AMPH: variants seen among roughly 807,000 people sequenced by gnomAD.
The protein encoded by AMPH is amphiphysin, also known as amphiphysin (Stiff-Mann syndrome with breast cancer 128kD autoantigen).
In AMPH, 49 loss-of-function variants were observed where a neutral mutation model predicts 99.1. The observed-to-expected ratio is 0.49, with a 90% CI of 0.39 to 0.63. AMPH has a LOEUF of 0.63. Among genes scored for constraint, AMPH ranks in the 20% least tolerant of loss-of-function variants. The pLI is 0.00. For synonymous variants in AMPH, 314 were observed against 317.3 expected, an observed-to-expected ratio of 0.99 and a Z score of 0.11; for missense variants, 759 against 863.4, an observed-to-expected ratio of 0.88 and a Z score of 1.52.
intron 11 of AMPH, among the ~76,000 whole-genome samples, chr7:38,448,584 C>G (rs1786881427): frequency 6.6e-6 from 1 of 152,148 alleles, no homozygotes; most frequent in African/African-American, 2.4e-5. Flanking sequence ...TGAATATAGT[C>G]TCTCGCTCGC....
chr7:38,615,098 G>GAAAA (rs974274489), intron 1 of AMPH, among the ~76,000 whole-genome samples: 2 of 152,140 alleles, frequency 1.3e-5, no homozygotes. Context: ...CAGAACTGAT[G>GAAAA]AAAAGAACAT....
At chr7:38,386,632 AT>A (rs1369325657) in intron 20 of AMPH, among the ~76,000 whole-genome samples, 1 of 152,236 alleles carries the variant, frequency 6.6e-6, no homozygotes, top group Non-Finnish European at 1.5e-5. Context: ...AATTAAAAAC[AT>A]TGGAATAACT....
At chr7:38,483,694 G>T (rs1455853321) in intron 5 of AMPH, among the ~76,000 whole-genome samples, 1 of 152,154 alleles carries the variant, frequency 6.6e-6, no homozygotes, top group African/African-American at 2.4e-5. Flanking sequence ...AGTCCACAAA[G>T]ATTAAAAGAG....
chr7:38,430,000 T>A, intron 13 of AMPH, 135 bp from the exon 14 acceptor site: 1 of 819,828 alleles, frequency 1.2e-6, no homozygotes, highest in East Asian at 2.8e-5. Context: ...ATTTTACAAC[T>A]TGTTTTGTGA....
chr7:38,387,520 C>T (rs542977502), intron 20 of AMPH, among the ~76,000 whole-genome samples: 5 of 152,036 alleles, frequency 3.3e-5, no homozygotes, highest in South Asian at 4.2e-4. Flanking sequence ...AATTTAACTA[C>T]GAACTCAAAG....
chr7:38,594,524 G>T (rs61596818), intron 1 of AMPH, among the ~76,000 whole-genome samples: 2,809 of 152,216 alleles, frequency 0.018, 83 homozygotes, highest in African/African-American at 0.062. Flanking sequence ...ATGGTTAAGA[G>T]ACCTGAGACT....
chr7:38,526,785 C>T (rs544872417), intron 2 of AMPH, among the ~76,000 whole-genome samples: 2 of 152,206 alleles, frequency 1.3e-5, no homozygotes, highest in South Asian at 4.1e-4. Flanking sequence ...TCCAATTTAT[C>T]ACATTTTCCT....
In AMPH at chr7:38,494,525, T is replaced by A; in HGVS notation, c.208A>T (p.Met70Leu). Residue 70 changes from methionine to leucine, a missense_variant and splice_region_variant, in exon 4 of 21, where the codon ATG becomes TTG. Coordinates refer to ENST00000356264, the MANE Select transcript of AMPH (RefSeq NM_001635.4). ...GTGAGCTTCATGGAGGCCTCCTGCATGCCTAGTGTTGGAGAGAAACAACTC... is the reference window on the plus strand; with the variant it reads ...GTGAGCTTCATGGAGGCCTCCTGCAAGCCTAGTGTTGGAGAGAAACAACTC... ...LRGYLAAIKG[M>L]QEASMKLTES... is the part of the protein sequence containing the mutation. 1 of 1,613,460 alleles carries A rather than the reference T, an allele frequency of 6.2e-7. No individual in the cohort carries two copies. The highest frequency in any genetic ancestry group is 8.5e-7 in the Non-Finnish European group (1 of 1,179,458).
At chr7:38,592,383 G>A (rs1792888823) in intron 1 of AMPH, among the ~76,000 whole-genome samples, 1 of 152,126 alleles carries the variant, frequency 6.6e-6, no homozygotes. Context: ...GGCCCCTTCT[G>A]AGCCATGTTT....
rs1788440051 is a variant in AMPH at position 38,485,178 on chromosome 7, G to C, written c.396+5872C>G. Reference sequence around the variant, plus strand: ...ATTAAATTCCCAGTCAAAAGACATAGAGTGGCTAAATGAATTTAAATAAAA... The same window carrying C: ...ATTAAATTCCCAGTCAAAAGACATACAGTGGCTAAATGAATTTAAATAAAA... On this transcript the variant is annotated intron_variant, in intron 5 of 20. Coordinates refer to ENST00000356264, the MANE Select transcript of AMPH (RefSeq NM_001635.4). 1.3e-5 allele frequency among the ~76,000 whole-genome samples: 2 copies of C among 151,876 alleles called. 1 individual carries two copies. The highest frequency in any genetic ancestry group is 4.2e-4 in the South Asian group (2 of 4,816).
intron 1 of AMPH, among the ~76,000 whole-genome samples, chr7:38,559,089 T>C (rs949921161): frequency 6.6e-6 from 1 of 152,244 alleles, no homozygotes; most frequent in Non-Finnish European, 1.5e-5. Context: ...TGTCAAACTG[T>C]ATAATTCATG....
At position 38,501,347 on chromosome 7, in the gene AMPH, C is replaced by T. The variant is rs569544160; in HGVS notation, c.205+2303G>A. ...CTGGGACTACAGGCATGCGCCACCA[C>T]ACCTGACTAATTTTTGTATTTTCAG... On this transcript the variant is annotated intron_variant, in intron 3 of 20. Transcript: ENST00000356264. Among the ~76,000 whole-genome samples the T allele has an allele frequency of 4.6e-5, 7 of 152,208 alleles. No individual in the cohort carries two copies. In the South Asian group the frequency reaches 1.0e-3, roughly 23 times the overall value.
intron 2 of AMPH, among the ~76,000 whole-genome samples, chr7:38,519,193 G>A (rs1199793196): frequency 6.6e-6 from 1 of 152,208 alleles, no homozygotes; most frequent in Non-Finnish European, 1.5e-5. Flanking sequence ...TGTGAGAAAT[G>A]AATTTCCTTT....
At chr7:38,497,394 T>G (rs1788971879) in intron 3 of AMPH, among the ~76,000 whole-genome samples, 2 of 152,168 alleles carry the variant, frequency 1.3e-5, no homozygotes, top group Non-Finnish European at 2.9e-5. Flanking sequence ...TACAGAAGAA[T>G]TATTATTATT....
chr7:38,598,251 TTTGTTGTTGTTGTTGTTCTTTTG>T (rs1229799194), intron 1 of AMPH, among the ~76,000 whole-genome samples: 1 of 152,136 alleles, frequency 6.6e-6, no homozygotes. Flanking sequence ...CGCAATGTTT[TTTGTTGTTGTTGTTGTTCTTTTG>T]TTGTTGTTGT....
intron 5 of AMPH, among the ~76,000 whole-genome samples, chr7:38,479,323 C>A (rs1170098390): frequency 6.7e-6 from 1 of 150,146 alleles, no homozygotes; most frequent in African/African-American, 2.5e-5. Flanking sequence ...TCTGCCAACT[C>A]AGAATTCCAC....
intron 1 of AMPH, among the ~76,000 whole-genome samples, chr7:38,542,038 C>T (rs916871915): frequency 1.3e-5 from 2 of 152,140 alleles, no homozygotes; most frequent in Non-Finnish European, 1.5e-5. Flanking sequence ...ATTTAGTCCT[C>T]TGACTTCAAG....
intron 7 of AMPH, among the ~76,000 whole-genome samples, chr7:38,468,666 C>T (rs1787759257): frequency 6.6e-6 from 1 of 152,090 alleles, no homozygotes; most frequent in African/African-American, 2.4e-5. Context: ...GTCAGAGATC[C>T]TGCAAAGAGG....
intron 1 of AMPH, among the ~76,000 whole-genome samples, chr7:38,620,316 A>T (rs186241221): frequency 6.9e-6 from 1 of 145,154 alleles, no homozygotes; most frequent in East Asian, 2.0e-4. Context: ...ATTATATACC[A>T]ATTCATTGGA....
Sources: allele counts gnomAD v4.1 joint callset (sites outside exome capture counted in the v4.1 genomes callset), GRCh38; gene constraint gnomAD v4.1.1; transcripts MANE v1.5; gene names NCBI Gene and HGNC (gene_info 2026-07-23, HGNC 2026-07-21).